Variants in NOS1AP observed in about 807,000 individuals in gnomAD.
NOS1AP encodes the protein nitric oxide synthase 1 adaptor protein.
A neutral mutation model predicts 56.2 loss-of-function variants in NOS1AP; 21 were observed. The ratio of observed to expected loss-of-function variants is 0.37; its 90% confidence interval spans 0.26 to 0.54. The LOEUF (loss-of-function observed/expected upper bound fraction) is 0.54, where lower values mean the gene tolerates loss of function less well. NOS1AP is among the 20% of genes least tolerant of loss of function. The pLI is 0.84. For synonymous variants in NOS1AP, 270 were observed against 274.6 expected, an observed-to-expected ratio of 0.98 and a Z score of 0.17; for missense variants, 522 against 657.8, an observed-to-expected ratio of 0.79 and a Z score of 2.26.
intron 9 of NOS1AP, among the ~76,000 whole-genome samples, chr1:162,365,968 G>T (rs1424116697): frequency 1.3e-5 from 2 of 152,172 alleles, no homozygotes; most frequent in Admixed American, 6.5e-5. Context: ...GTGGGAGACA[G>T]CAGATTGTTT....
At chr1:162,205,035 A>C (rs1388635909) in intron 2 of NOS1AP, among the ~76,000 whole-genome samples, 2 of 152,224 alleles carry the variant, frequency 1.3e-5, no homozygotes, top group African/African-American at 4.8e-5. Flanking sequence ...ACTGTTTTGT[A>C]ATACTTCATT....
chr1:162,292,482 A>G (rs768878536), intron 3 of NOS1AP, among the ~76,000 whole-genome samples: 2 of 152,242 alleles, frequency 1.3e-5, no homozygotes, highest in Admixed American at 6.5e-5. Flanking sequence ...CAACTGTCCT[A>G]TTAGGTAGAT....
chr1:162,291,448 T>G (rs1407245037), intron 3 of NOS1AP, among the ~76,000 whole-genome samples: 1 of 152,196 alleles, frequency 6.6e-6, no homozygotes, highest in African/African-American at 2.4e-5. Context: ...TTTATCATGT[T>G]GTCCTCCCTC....
At chr1:162,199,636 G>C (rs1448962907) in intron 2 of NOS1AP, among the ~76,000 whole-genome samples, 7 of 124,100 alleles carry the variant, frequency 5.6e-5, no homozygotes, top group Non-Finnish European at 8.5e-5. Flanking sequence ...GTGTGTGTGT[G>C]TGTGTCTGTG....
At chr1:162,073,661 G>A (rs972330054) in intron 1 of NOS1AP, among the ~76,000 whole-genome samples, 2 of 152,118 alleles carry the variant, frequency 1.3e-5, no homozygotes, top group African/African-American at 2.4e-5. Flanking sequence ...GGCTTTCTCC[G>A]TTTTGGTCAG....
intron 1 of NOS1AP, among the ~76,000 whole-genome samples, chr1:162,148,435 A>T (rs1649573999): frequency 6.6e-6 from 1 of 152,226 alleles, no homozygotes; most frequent in Non-Finnish European, 1.5e-5. Context: ...GGGGTAAACA[A>T]AGGGGAAGTA....
chr1:162,255,476 A>G (rs971104696), intron 2 of NOS1AP, among the ~76,000 whole-genome samples: 1 of 71,084 alleles, frequency 1.4e-5, no homozygotes, highest in African/African-American at 4.3e-5. Flanking sequence ...TGCATAGGTT[A>G]TTTGCTGCTG....
At chr1:162,348,011 T>A (rs1657358266) in intron 6 of NOS1AP, among the ~76,000 whole-genome samples, 1 of 152,226 alleles carries the variant, frequency 6.6e-6, no homozygotes, top group Admixed American at 6.5e-5. Flanking sequence ...TCTTCACTCC[T>A]GGCTGATGCC....
intron 6 of NOS1AP, among the ~76,000 whole-genome samples, chr1:162,346,761 T>G (rs965932493): frequency 6.6e-6 from 1 of 152,256 alleles, no homozygotes; most frequent in Non-Finnish European, 1.5e-5. Context: ...AGTTTCTATG[T>G]GACTAGAGGG....
At chr1:162,259,165 C>T (rs1421622724) in intron 2 of NOS1AP, among the ~76,000 whole-genome samples, 2 of 152,218 alleles carry the variant, frequency 1.3e-5, no homozygotes, top group Non-Finnish European at 2.9e-5. Context: ...CGCTGTTGTA[C>T]TCTCATCTTT....
intron 2 of NOS1AP, among the ~76,000 whole-genome samples, chr1:162,278,967 T>C (rs898394866): frequency 3.3e-5 from 5 of 152,198 alleles, no homozygotes; most frequent in Non-Finnish European, 7.4e-5. Flanking sequence ...TAGAGGAGTT[T>C]AGAGGACAGT....
At chr1:162,178,442 T>C (rs1651139108) in intron 2 of NOS1AP, among the ~76,000 whole-genome samples, 1 of 152,274 alleles carries the variant, frequency 6.6e-6, no homozygotes, top group African/African-American at 2.4e-5. Context: ...ATATGTTTAC[T>C]GAGTATGTGC....
At chr1:162,143,177 T>C (rs1649310015) in intron 1 of NOS1AP, among the ~76,000 whole-genome samples, 1 of 152,086 alleles carries the variant, frequency 6.6e-6, no homozygotes, top group Non-Finnish European at 1.5e-5. Flanking sequence ...TGGGGGTGTT[T>C]GCCAGTTGTC....
chr1:162,144,874 G>A (rs1298729939), intron 1 of NOS1AP, among the ~76,000 whole-genome samples: 1 of 152,192 alleles, frequency 6.6e-6, no homozygotes, highest in Non-Finnish European at 1.5e-5. Context: ...TGCTAATGGA[G>A]ACTAAAAGAA....
chr1:162,210,334 C>T (rs1652309301), intron 2 of NOS1AP, among the ~76,000 whole-genome samples: 2 of 152,128 alleles, frequency 1.3e-5, no homozygotes, highest in Admixed American at 1.3e-4. Flanking sequence ...GCTCTGCTTG[C>T]CTCTCTCACT....
At chr1:162,337,388 A>C (rs997730875) in intron 5 of NOS1AP, among the ~76,000 whole-genome samples, 2 of 152,218 alleles carry the variant, frequency 1.3e-5, no homozygotes, top group Non-Finnish European at 2.9e-5. Flanking sequence ...ATTTTGAATG[A>C]TGATGACAGC....
At chr1:162,269,811 G>A (rs775321112) in intron 2 of NOS1AP, among the ~76,000 whole-genome samples, 10 of 151,622 alleles carry the variant, frequency 6.6e-5, no homozygotes, top group Admixed American at 2.6e-4. Flanking sequence ...AGTAATTTAC[G>A]TGTAGTTCAC....
intron 2 of NOS1AP, among the ~76,000 whole-genome samples, chr1:162,275,419 CT>C (rs1489029999): frequency 6.6e-6 from 1 of 152,182 alleles, no homozygotes; most frequent in African/African-American, 2.4e-5. Flanking sequence ...CTCAGGTGAT[CT>C]GCCTACCATT....
At chr1:162,184,610 A>C (rs2102148902) in intron 2 of NOS1AP, among the ~76,000 whole-genome samples, 1 of 152,178 alleles carries the variant, frequency 6.6e-6, no homozygotes, top group South Asian at 2.1e-4. Flanking sequence ...GAAGAGCCTG[A>C]CTCCAGCACT....
Sources: allele counts gnomAD v4.1 joint callset (sites outside exome capture counted in the v4.1 genomes callset), GRCh38; gene constraint gnomAD v4.1.1; transcripts MANE v1.5; gene names NCBI Gene and HGNC (gene_info 2026-07-23, HGNC 2026-07-21).